TET1: variants seen among roughly 807,000 people sequenced by gnomAD.
TET1 encodes the protein methylcytosine dioxygenase TET1.
A neutral mutation model predicts 148.7 loss-of-function variants in TET1; 13 were observed. That is an observed-to-expected ratio of 0.09 (90% CI 0.06 to 0.14). TET1 has a LOEUF of 0.14. Among genes scored for constraint, TET1 ranks in the 10% least tolerant of loss-of-function variants. The pLI, the probability that TET1 is intolerant of heterozygous loss-of-function variation, is 1.00. For synonymous variants in TET1, 907 were observed against 937.2 expected (o/e 0.97, Z 0.59); for missense variants, 2,182 against 2,553.8 (o/e 0.85, Z 3.14).
At chr10:68,583,154 C>G (rs532821814) in intron 2 of TET1, among the ~76,000 whole-genome samples, 7 of 152,282 alleles carry the variant, frequency 4.6e-5, no homozygotes, top group Non-Finnish European at 1.0e-4. Flanking sequence ...ACCCTATTAT[C>G]GTGCATGTTT....
At chr10:68,651,122 T>C (rs147299232) in intron 4 of TET1, among the ~76,000 whole-genome samples, 108 of 152,328 alleles carry the variant, frequency 7.1e-4, no homozygotes, top group Admixed American at 4.1e-3. Context: ...CTCTTTTTGA[T>C]ATTACAAATA....
intron 3 of TET1, among the ~76,000 whole-genome samples, chr10:68,614,444 C>T (rs2054260260): frequency 6.6e-6 from 1 of 152,166 alleles, no homozygotes; most frequent in African/African-American, 2.4e-5. Flanking sequence ...TTTCAAAAAA[C>T]TCAGTCAAAT....
At chr10:68,660,812 C>G (rs1164373582) in intron 6 of TET1, among the ~76,000 whole-genome samples, 3 of 151,480 alleles carry the variant, frequency 2.0e-5, no homozygotes, top group African/African-American at 7.3e-5. Context: ...AGGTGCCCAC[C>G]ACCAAGCTCG....
At chr10:68,653,086 G>A (rs1392302446) in intron 6 of TET1, among the ~76,000 whole-genome samples, 1 of 148,694 alleles carries the variant, frequency 6.7e-6, no homozygotes, top group Non-Finnish European at 1.5e-5. Context: ...ATAGCTTTAG[G>A]GTATTTTATC....
intron 3 of TET1, among the ~76,000 whole-genome samples, chr10:68,625,265 A>G (rs893949588): frequency 6.6e-6 from 1 of 152,210 alleles, no homozygotes; most frequent in Non-Finnish European, 1.5e-5. Flanking sequence ...TCTAGTCCCT[A>G]TGATTGCACT....
chr10:68,673,628 G>T (rs532115897), intron 8 of TET1: 73 of 161,868 alleles, frequency 4.5e-4, no homozygotes, highest in Non-Finnish European at 6.9e-4. Context: ...AGGGGGTGGG[G>T]CACCAATAGG....
At chr10:68,666,690 A>G (rs905132868) in intron 6 of TET1, among the ~76,000 whole-genome samples, 6 of 152,156 alleles carry the variant, frequency 3.9e-5, no homozygotes, top group Admixed American at 3.9e-4. Context: ...TGTTAGTCAT[A>G]TAGGTTCAGG....
chr10:68,563,148 C>T (rs1050110296), intron 1 of TET1, among the ~76,000 whole-genome samples: 11 of 152,028 alleles, frequency 7.2e-5, no homozygotes, highest in African/African-American at 2.4e-4. Flanking sequence ...GCCCTTTTCC[C>T]CCCTTTTTTC....
At chr10:68,665,124 G>T (rs906136394) in intron 6 of TET1, among the ~76,000 whole-genome samples, 3 of 152,076 alleles carry the variant, frequency 2.0e-5, no homozygotes, top group Admixed American at 1.3e-4. Flanking sequence ...AAAATGCTTT[G>T]CCCACTCCTA....
At chr10:68,643,982 G>A (rs919632925) in intron 3 of TET1, among the ~76,000 whole-genome samples, 3 of 151,536 alleles carry the variant, frequency 2.0e-5, no homozygotes, top group Non-Finnish European at 4.4e-5. Context: ...TTGGCCCACT[G>A]CAACCTCTGC....
chr10:68,563,579 A>G (rs1034799540), intron 1 of TET1, among the ~76,000 whole-genome samples: 1 of 152,248 alleles, frequency 6.6e-6, no homozygotes, highest in African/African-American at 2.4e-5. Context: ...CTGGATTGTT[A>G]CATCAGTTAA....
intron 3 of TET1, among the ~76,000 whole-genome samples, chr10:68,612,775 G>A (rs60960496): frequency 0.015 from 2,286 of 151,830 alleles, 46 homozygotes; most frequent in African/African-American, 0.052. Flanking sequence ...ACACCACCAC[G>A]CCCAGCTAAT....
intron 1 of TET1, among the ~76,000 whole-genome samples, chr10:68,568,066 CAG>C (rs2053626499): frequency 1.3e-5 from 2 of 151,866 alleles, no homozygotes; most frequent in South Asian, 4.2e-4. Flanking sequence ...TTAGTAGAGA[CAG>C]AATTTCTCCA....
chr10:68,679,309 G>T (rs1333698164), intron 8 of TET1, among the ~76,000 whole-genome samples: 1 of 152,182 alleles, frequency 6.6e-6, no homozygotes, highest in African/African-American at 2.4e-5. Flanking sequence ...GAGATGACCT[G>T]TTCCTCAGTA....
Position 68,694,460 on chromosome 10 carries a change from G to C in TET1, c.*2646G>C, listed in dbSNP as rs1056498424. 1 of 231,754 alleles carries C rather than the reference G, an allele frequency of 4.3e-6. No individual in the cohort carries two copies. The highest frequency in any genetic ancestry group is 5.6e-5 in the Admixed American group (1 of 17,736). The allele number at this position is 231,754 out of a possible 1,614,324, so 14.4% of individuals were successfully genotyped here. A position where few individuals can be genotyped will look rare whatever the true frequency, so the allele number is the denominator to read the frequency against. ...TCTCATGAAGCAAGGAAATAAATTT[G>C]TTTGAAATGACATTTTCTCTCATAA... is the stretch of plus-strand genomic sequence containing the variant. On this transcript the variant is annotated 3_prime_UTR_variant, in exon 12 of 12. Transcript: ENST00000373644.
intron 2 of TET1, among the ~76,000 whole-genome samples, chr10:68,598,315 C>T (rs1009117572): frequency 1.3e-5 from 2 of 152,120 alleles, no homozygotes; most frequent in Non-Finnish European, 2.9e-5. Context: ...CATTTGAACC[C>T]GGAAGGCGGA....
At chr10:68,686,818 T>G in intron 11 of TET1, 111 bp downstream of exon 11, 1 of 987,668 alleles carries the variant, frequency 1.0e-6, no homozygotes, top group East Asian at 2.6e-5. Context: ...GAATATATTT[T>G]TACATATACC....
chr10:68,573,389 G>C lies in TET1; in HGVS notation c.1051G>C (p.Ala351Pro), dbSNP rs1222540638. ...AKPDHQEAFE[A>P]TANQQEVSDT... is the part of the protein sequence containing the mutation. The stretch of plus-strand genomic sequence containing the variant: ...ACCAGATCATCAAGAGGCCTTCGAA[G>C]CTACTGCAAATCAACAGGAAGTTTC... Residue 351 changes from alanine (A) to proline (P), a missense_variant, in exon 2 of 12, where the codon GCT becomes CCT. Coordinates refer to ENST00000373644, the MANE Select transcript of TET1 (RefSeq NM_030625.3). 6.2e-7 allele frequency: 1 copy of C among 1,613,966 alleles called. No individual in the cohort carries two copies. The highest frequency in any genetic ancestry group is 2.2e-5 in the East Asian group (1 of 44,890).
intron 3 of TET1, among the ~76,000 whole-genome samples, chr10:68,624,672 C>CTTTCTTTCTTTCTTTCTTTTTT (rs2054443177): frequency 2.9e-5 from 3 of 103,530 alleles, no homozygotes; most frequent in African/African-American, 1.3e-4. Flanking sequence ...CTCTCTCTCT[C>CTTTCTTTCTTTCTTTCTTTTTT]TCTCTCTCTC....
Sources: allele counts gnomAD v4.1 joint callset (sites outside exome capture counted in the v4.1 genomes callset), GRCh38; gene constraint gnomAD v4.1.1; transcripts MANE v1.5; gene names NCBI Gene and HGNC (gene_info 2026-07-23, HGNC 2026-07-21).